Variants in ABHD6 observed in about 807,000 individuals in gnomAD.
ABHD6 encodes monoacylglycerol lipase ABHD6.
Under a neutral mutation model 38.8 loss-of-function variants are expected in ABHD6, and 33 were observed. The observed-to-expected ratio is 0.85, with a 90% CI of 0.64 to 1.14. The LOEUF (loss-of-function observed/expected upper bound fraction) is 1.14, where lower values mean the gene tolerates loss of function less well. Ranked by LOEUF, ABHD6 falls within the 50% of genes most tolerant of loss-of-function variation. The probability of loss-of-function intolerance (pLI) is 0.00; values close to 1 mark genes in which losing one functional copy is unlikely to be tolerated. For synonymous variants in ABHD6, 147 were observed against 161.6 expected (o/e 0.91, Z 0.69); for missense variants, 380 against 422.6 (o/e 0.90, Z 0.88).
At chr3:58,271,651 C>T (rs373889532) in intron 6 of ABHD6, among the ~76,000 whole-genome samples, 2 of 151,336 alleles carry the variant, frequency 1.3e-5, no homozygotes, top group Admixed American at 6.6e-5. Flanking sequence ...CCGATATTAC[C>T]GTTTGAAGTT....
intron 1 of ABHD6, among the ~76,000 whole-genome samples, chr3:58,245,350 G>C (rs985979492): frequency 1.2e-4 from 18 of 152,084 alleles, no homozygotes; most frequent in African/African-American, 4.3e-4. Context: ...ATTTTTAGTA[G>C]AGACAGGATT....
chr3:58,284,083 G>A (rs1167950573), intron 7 of ABHD6, among the ~76,000 whole-genome samples: 1 of 152,172 alleles, frequency 6.6e-6, no homozygotes, highest in Non-Finnish European at 1.5e-5. Flanking sequence ...GAGGAGTACA[G>A]CCACTAATGT....
rs1388782413 is a variant in ABHD6, at chr3:58,256,364, C to G, written c.-25-198C>G. Among the ~76,000 whole-genome samples, 1 of 151,478 alleles carries G rather than the reference C, an allele frequency of 6.6e-6. No individual in the cohort carries two copies. The highest frequency in any genetic ancestry group is 1.5e-5 in the Non-Finnish European group (1 of 67,956). On this transcript the variant is annotated intron_variant, in intron 2 of 9. Transcript: ENST00000478253. The surrounding 1 kb of genome is among the most constrained non-coding windows in gnomAD (Gnocchi z 4.3). ...TATAATGTTTTTTTTTTTTACAAAT[C>G]CAGGCTCCTCTGAAAAGTTCCTCAT...
At position 58,256,590 on chromosome 3, in the gene ABHD6, G is replaced by T; in HGVS notation, c.4G>T (p.Asp2Tyr). The T allele has an allele frequency of 1.2e-6, 2 of 1,613,558 alleles. No individual in the cohort carries two copies. Among genetic ancestry groups the T allele is most frequent in the East Asian group, 4.5e-5 (2 of 44,872 alleles). The change falls in exon 3 of 10, where the codon GAT (aspartate) becomes TAT (tyrosine). Residue 2 changes from aspartate to tyrosine, a missense_variant. Asp to Tyr is a radical substitution (Grantham distance 160). Coordinates refer to ENST00000478253, the MANE Select transcript of ABHD6 (RefSeq NM_001320126.2). This position sits in a 1 kb window ranked among gnomAD's most constrained non-coding sequence, Gnocchi z 4.3. M[D>Y]LDVVNMFVIA... Reference sequence around the variant, plus strand: ...TCAGCCAGCCTGAAAGAGCAGGATGGATCTTGATGTGGTTAACATGTTTGT... The same window carrying T: ...TCAGCCAGCCTGAAAGAGCAGGATGTATCTTGATGTGGTTAACATGTTTGT...
chr3:58,258,264 GCCATTGCAC>G (rs1399642039), intron 3 of ABHD6: 5 of 340,000 alleles, frequency 1.5e-5, no homozygotes, highest in African/African-American at 1.1e-4. Flanking sequence ...CTGAGATCGC[GCCATTGCAC>G]TCCAGCCTGG....
At chr3:58,278,563 G>A (rs1046511305) in intron 7 of ABHD6, among the ~76,000 whole-genome samples, 46 of 152,002 alleles carry the variant, frequency 3.0e-4, no homozygotes, top group African/African-American at 9.7e-4. Context: ...TCCTGGATTC[G>A]TTGATTTTTT....
At position 58,285,371 on chromosome 3, in the gene ABHD6, G is replaced by C; in HGVS notation, c.755G>C (p.Ser252Thr). Residue 252 changes from serine (S) to threonine (T), a missense_variant, in exon 9 of 10, where the codon AGT (serine) becomes ACT (threonine). Ser to Thr is a moderately conservative substitution (Grantham distance 58, BLOSUM62 1). Transcript: ENST00000478253. The surrounding 1 kb of genome is among the most constrained non-coding windows in gnomAD (Gnocchi z 4.9). ...TGACAAGTGTTTTTGGAAATCGTCA[G>C]TGAGAAGTCCAGATACTCTCTCCAT... ...FYRKLFLEIVSEKSRYSLHQN... is the reference protein window; with the variant it reads ...FYRKLFLEIVTEKSRYSLHQN... 1 of 1,614,162 alleles carries C rather than the reference G, an allele frequency of 6.2e-7. No individual in the cohort carries two copies. The highest frequency in any genetic ancestry group is 1.1e-5 in the South Asian group (1 of 91,082).
rs2097455208 is a variant in ABHD6, at chr3:58,284,017, C to A, written c.682-1068C>A. ...CCACTTTCAGTCAGTGCACAGGACT[C>A]CTGAGAGAGTGTAATTAAAGGGTTC... On this transcript the variant is annotated intron_variant, in intron 7 of 9. Coordinates refer to ENST00000478253, the MANE Select transcript of ABHD6 (RefSeq NM_001320126.2). Among the ~76,000 whole-genome samples the A allele has an allele frequency of 1.3e-5, 2 of 152,170 alleles. 1 individual carries two copies. Among genetic ancestry groups the A allele is most frequent in the South Asian group, 4.1e-4 (2 of 4,834 alleles).
At chr3:58,244,389 A>G (rs2097424902) in intron 1 of ABHD6, among the ~76,000 whole-genome samples, 1 of 152,196 alleles carries the variant, frequency 6.6e-6, no homozygotes, top group Admixed American at 6.5e-5. Flanking sequence ...TGGCTTCTTT[A>G]TGATAGCACA....
chr3:58,252,718 C>T (rs928379154), intron 2 of ABHD6, among the ~76,000 whole-genome samples: 7 of 152,202 alleles, frequency 4.6e-5, no homozygotes, highest in African/African-American at 1.7e-4. Flanking sequence ...TCAAGTTACA[C>T]TTCTTGGTTG....
chr3:58,283,006 G>A (rs1372260109), intron 7 of ABHD6, among the ~76,000 whole-genome samples: 1 of 152,210 alleles, frequency 6.6e-6, no homozygotes, highest in Non-Finnish European at 1.5e-5. Context: ...GAGAGTCCAT[G>A]GCTGAGGCTT....
At chr3:58,291,402 A>T (rs1040654203) in intron 9 of ABHD6, among the ~76,000 whole-genome samples, 1 of 151,716 alleles carries the variant, frequency 6.6e-6, no homozygotes, top group African/African-American at 2.4e-5. Context: ...GGGGAGAGGG[A>T]GAGGGAGAGG....
rs1172512898 is a variant in ABHD6 at position 58,263,886 on chromosome 3, A to T, written c.120-3303A>T. On this transcript the variant is annotated intron_variant, in intron 3 of 9. Transcript: ENST00000478253. This position sits in a 1 kb window ranked among gnomAD's most constrained non-coding sequence, Gnocchi z 4.9. ...AACACAAAGAAAATGTAAATTACCC[A>T]TAACCCCTGGAATAATTAATTTTCT... Among the ~76,000 whole-genome samples, 2 of 152,206 alleles carry T rather than the reference A, an allele frequency of 1.3e-5. No individual in the cohort carries two copies. Among genetic ancestry groups the T allele is most frequent in the Admixed American group, 6.5e-5 (1 of 15,272 alleles).
intron 9 of ABHD6, among the ~76,000 whole-genome samples, chr3:58,291,129 C>T (rs1272329907): frequency 6.6e-6 from 1 of 151,384 alleles, no homozygotes; most frequent in East Asian, 2.0e-4. Context: ...GCAATCCCGG[C>T]ACCTCCGGAG....
At chr3:58,290,460 G>T (rs1471924532) in intron 9 of ABHD6, among the ~76,000 whole-genome samples, 19 of 116,870 alleles carry the variant, frequency 1.6e-4, no homozygotes, top group Non-Finnish European at 2.9e-4. Context: ...GCGGCTGGCC[G>T]GGCGGGGGGC....
At chr3:58,242,966 G>A (rs964925304) in intron 1 of ABHD6, among the ~76,000 whole-genome samples, 1 of 152,072 alleles carries the variant, frequency 6.6e-6, no homozygotes, top group Admixed American at 6.5e-5. Context: ...GTGAGACTGT[G>A]CGGTGTTTGG....
intron 7 of ABHD6, among the ~76,000 whole-genome samples, chr3:58,275,741 C>A (rs1179032915): frequency 2.6e-5 from 4 of 152,026 alleles, no homozygotes; most frequent in African/African-American, 9.7e-5. Flanking sequence ...TTTGCTGCAC[C>A]CATCAACTCA....
At chr3:58,264,211 G>A (rs943984629) in intron 3 of ABHD6, among the ~76,000 whole-genome samples, 1 of 152,054 alleles carries the variant, frequency 6.6e-6, no homozygotes, top group Non-Finnish European at 1.5e-5. Flanking sequence ...CATAACGCTG[G>A]CTGGAACACT....
chr3:58,267,279 C>A lies in ABHD6; in HGVS notation c.210C>A (p.His70Gln). The A allele has an allele frequency of 6.2e-7, 1 of 1,614,174 alleles. No homozygotes were observed. The highest frequency in any genetic ancestry group is 1.1e-5 in the South Asian group (1 of 91,086). ...FCYSFRGRPG[H>Q]KPSILMLHGF... ...ATTCCTTCCGGGGCAGGCCTGGGCA[C>A]AAACCCTCCATCCTCATGCTCCACG... The change falls in exon 4 of 10, where the codon CAC becomes CAA. Residue 70 changes from histidine to glutamine, a missense_variant. By Grantham distance (24) the His-to-Gln change is conservative. Coordinates refer to ENST00000478253, the MANE Select transcript of ABHD6 (RefSeq NM_001320126.2). The surrounding 1 kb of genome is among the most constrained non-coding windows in gnomAD (Gnocchi z 4.3).
Sources: gnomAD v4.1 joint callset for allele counts (sites outside exome capture counted in the v4.1 genomes callset) on GRCh38, gnomAD v4.1.1 for gene constraint, Gnocchi (gnomAD v3.1) non-coding constraint, MANE v1.5 for transcripts, NCBI Gene and HGNC (gene_info 2026-07-23, HGNC 2026-07-21) for gene names.